The following MECOM variants were observed in gnomAD, a reference collection of about 807,000 sequenced individuals.
MECOM encodes the protein MDS1 and EVI1 complex locus.
MECOM carries 13 observed loss-of-function variants against 116.3 expected under a neutral mutation model. The ratio of observed to expected loss-of-function variants is 0.11; its 90% CI spans 0.07 to 0.18. MECOM has a LOEUF of 0.18. Ranked by LOEUF, MECOM falls within the 10% of genes least tolerant of loss-of-function variation. The pLI is 1.00. For synonymous variants in MECOM, 528 were observed against 535.2 expected (o/e 0.99, Z 0.19); for missense variants, 1,299 against 1,509.0 (o/e 0.86, Z 2.31).
intron 1 of MECOM, among the ~76,000 whole-genome samples, chr3:169,480,339 C>G (rs987374903): frequency 6.8e-6 from 1 of 146,274 alleles, no homozygotes; most frequent in African/African-American, 2.6e-5. Flanking sequence ...TCAAGTACTA[C>G]TGGAGTACTT....
chr3:169,358,711 C>T (rs1480169637), intron 2 of MECOM, among the ~76,000 whole-genome samples: 138 of 151,652 alleles, frequency 9.1e-4, no homozygotes, highest in Non-Finnish European at 8.9e-5. Context: ...CGAAAATTAA[C>T]AGGTACTATT....
chr3:169,575,023 A>G (rs962898640), intron 1 of MECOM, among the ~76,000 whole-genome samples: 3 of 152,148 alleles, frequency 2.0e-5, no homozygotes, highest in Admixed American at 1.3e-4. Flanking sequence ...GAATATCGCT[A>G]AAAAATCAAG....
intron 2 of MECOM, among the ~76,000 whole-genome samples, chr3:169,165,361 C>T (rs1743422504): frequency 6.6e-6 from 1 of 152,060 alleles, no homozygotes; most frequent in Admixed American, 6.6e-5. Flanking sequence ...CCAAACATTG[C>T]AATTGTACCG....
chr3:169,597,074 G>T (rs1409003204), intron 1 of MECOM, among the ~76,000 whole-genome samples: 2 of 152,158 alleles, frequency 1.3e-5, no homozygotes. Flanking sequence ...CTGAACTTCA[G>T]CCTGACATGG....
chr3:169,249,145 T>C (rs895116820), intron 2 of MECOM, among the ~76,000 whole-genome samples: 2 of 152,216 alleles, frequency 1.3e-5, no homozygotes, highest in African/African-American at 4.8e-5. Context: ...TTGTCTAACC[T>C]AGCACCTATC....
At position 169,501,998 on chromosome 3, in the gene MECOM, G is replaced by C. The variant is rs16853858; in HGVS notation, c.38-120474C>G. Among the ~76,000 whole-genome samples the C allele has an allele frequency of 0.018, 2,771 of 152,152 alleles. 249 individuals are homozygous for C. The East Asian group carries it at 0.3, about 16-fold the overall frequency. ...AACAATAATGCTACACAGTGCATTA[G>C]ACTTTATTTAGCATCACCACATATG... On this transcript the variant is annotated intron_variant, in intron 1 of 16. Transcript: ENST00000651503.
In MECOM at chr3:169,147,722, G is replaced by A. The variant is rs11915821; in HGVS notation, c.376-3890C>T. 6.5e-3 allele frequency: 6,376 copies of A among 980,024 alleles called. 143 individuals carry two copies. The African/African-American group carries it at 0.074, about 11-fold the overall frequency. 60.7% of individuals were successfully genotyped at this position (980,024 alleles called of 1,614,324 possible). On this transcript the variant is annotated intron_variant, in intron 2 of 16. Transcript: ENST00000651503. ...TCTTGAAAGCACAAGTGTGGTGTGT[G>A]TGTGTGTGTGTGCGCGCGAGTGTGT...
intron 2 of MECOM, among the ~76,000 whole-genome samples, chr3:169,271,405 G>T (rs1192943874): frequency 6.6e-6 from 1 of 152,178 alleles, no homozygotes; most frequent in Non-Finnish European, 1.5e-5. Flanking sequence ...ACCAAGCCAA[G>T]CAATTGCTTA....
chr3:169,143,836 G>A lies in MECOM; in HGVS notation c.376-4C>T. ...CATTGTAAAATTCGTCTAAGATCTG[G>A]AGGGAAGAAGATGAGAACAATCAAT... On this transcript the variant is annotated splice_region_variant and splice_polypyrimidine_tract_variant and intron_variant, in intron 2 of 16. Transcript: ENST00000651503. The A allele has an allele frequency of 6.3e-7, 1 of 1,597,068 alleles. No individual in the cohort carries two copies. The highest frequency in any genetic ancestry group is 8.5e-7 in the Non-Finnish European group (1 of 1,171,838).
At position 169,604,061 on chromosome 3, in the gene MECOM, G is replaced by A. The variant is rs147678020; in HGVS notation, c.37+59275C>T. 6.1e-4 allele frequency among the ~76,000 whole-genome samples: 93 copies of A among 152,240 alleles called. No individual in the cohort carries two copies. In the Middle Eastern group the frequency reaches 0.017, roughly 28 times the overall value. Reference sequence around the variant, plus strand: ...TGTGTAATTGCCTTTTTCTCTAAGCGAAAATTTCCCTTAGAGAAAGAAAAA... The same window carrying A: ...TGTGTAATTGCCTTTTTCTCTAAGCAAAAATTTCCCTTAGAGAAAGAAAAA... On this transcript the variant is annotated intron_variant, in intron 1 of 16. Transcript: ENST00000651503.
At chr3:169,390,792 C>G (rs1221387346) in intron 1 of MECOM, among the ~76,000 whole-genome samples, 1 of 152,072 alleles carries the variant, frequency 6.6e-6, no homozygotes, top group African/African-American at 2.4e-5. Context: ...AACTCAGGAG[C>G]TACACGCTAA....
At chr3:169,334,511 C>T (rs1022181680) in intron 2 of MECOM, among the ~76,000 whole-genome samples, 6 of 152,094 alleles carry the variant, frequency 3.9e-5, no homozygotes, top group African/African-American at 1.4e-4. Context: ...AGTTTTAAAA[C>T]TCCTCAGGTG....
intron 2 of MECOM, chr3:169,146,212 A>AAG: frequency 8.8e-7 from 1 of 1,132,246 alleles, no homozygotes; most frequent in Non-Finnish European, 1.1e-6. Flanking sequence ...AAGGAAAAAA[A>AAG]AAAAAATCCC....
At position 169,608,511 on chromosome 3, in the gene MECOM, T is replaced by C. The variant is rs528690499; in HGVS notation, c.37+54825A>G. On this transcript the variant is annotated intron_variant, in intron 1 of 16. Transcript: ENST00000651503. Reference sequence around the variant, plus strand: ...TTCCACATTTCCCCACATCCCCTCCTAAAGCGAGTCTTGGTGGCAGGATTC... The same window carrying C: ...TTCCACATTTCCCCACATCCCCTCCCAAAGCGAGTCTTGGTGGCAGGATTC... Among the ~76,000 whole-genome samples the C allele has an allele frequency of 1.7e-4, 26 of 152,212 alleles. No individual in the cohort carries two copies. The Middle Eastern group carries it at 0.01, about 60-fold the overall frequency.
At chr3:169,637,363 G>A (rs1316431585) in intron 1 of MECOM, among the ~76,000 whole-genome samples, 1 of 152,112 alleles carries the variant, frequency 6.6e-6, no homozygotes, top group African/African-American at 2.4e-5. Context: ...GTTGTTTCAA[G>A]CCATTAAGTT....
intron 1 of MECOM, among the ~76,000 whole-genome samples, chr3:169,429,252 C>G (rs969459275): frequency 1.3e-5 from 2 of 152,184 alleles, no homozygotes; most frequent in Non-Finnish European, 2.9e-5. Flanking sequence ...ACAATTCAAT[C>G]AAGCTTCCTA....
chr3:169,628,482 T>C (rs1184949222), intron 1 of MECOM, among the ~76,000 whole-genome samples: 1 of 152,212 alleles, frequency 6.6e-6, no homozygotes, highest in Non-Finnish European at 1.5e-5. Flanking sequence ...GTTTAACATT[T>C]ATGGAGCACC....
At chr3:169,263,724 TA>T (rs1757919141) in intron 2 of MECOM, among the ~76,000 whole-genome samples, 1 of 152,166 alleles carries the variant, frequency 6.6e-6, no homozygotes, top group South Asian at 2.1e-4. Context: ...TTATAATAGC[TA>T]AAAAGGGCCT....
chr3:169,341,431 CAAA>C lies in MECOM; in HGVS notation c.375+39753_375+39755del, dbSNP rs60482855. On this transcript the variant is annotated intron_variant, in intron 2 of 16. Coordinates refer to ENST00000651503, the MANE Select transcript of MECOM (RefSeq NM_004991.4). ...GGGAGGTGGAGAGGGTTAATAGGTT[CAAA>C]AAAAAAAAAAAAAAAACACAGAAGG... Among the ~76,000 whole-genome samples the C allele has an allele frequency of 2.9e-3, 260 of 89,398 alleles. 2 individuals carry two copies. The highest frequency in any genetic ancestry group is 7.6e-3 in the African/African-American group (205 of 27,018). The allele number at this position is 89,398 out of a possible 152,430, so 58.6% of individuals were successfully genotyped here.
Sources: allele counts gnomAD v4.1 joint callset (sites outside exome capture counted in the v4.1 genomes callset), GRCh38; gene constraint gnomAD v4.1.1; transcripts MANE v1.5; gene names NCBI Gene and HGNC (gene_info 2026-07-23, HGNC 2026-07-21).